Variants in RPL34 observed in about 807,000 individuals in gnomAD.
RPL34 encodes ribosomal protein L34.
RPL34 carries 2 observed loss-of-function variants against 16.3 expected under a neutral mutation model. The observed-to-expected ratio is 0.12, with a 90% CI of 0.05 to 0.39. The LOEUF (loss-of-function observed/expected upper bound fraction) is 0.39, where lower values mean the gene tolerates loss of function less well. Among genes scored for constraint, RPL34 ranks in the 10% least tolerant of loss-of-function variants. The pLI is 0.99. For synonymous variants in RPL34, 47 were observed against 48.5 expected, an observed-to-expected ratio of 0.97 and a Z score of 0.13; for missense variants, 82 against 148.8, an observed-to-expected ratio of 0.55 and a Z score of 2.33.
At chr4:108,621,730 T>TGC in intron 1 of RPL34, 1 of 476,476 alleles carries the variant, frequency 2.1e-6, no homozygotes, top group Non-Finnish European at 3.8e-6. Flanking sequence ...GTTAAGGAAG[T>TGC]GCCACGTTTG....
intron 1 of RPL34, chr4:108,620,838 C>A (rs1230678264): frequency 6.6e-6 from 1 of 152,614 alleles, no homozygotes; most frequent in African/African-American, 2.4e-5. Flanking sequence ...GACTTTGCTG[C>A]ATTCCAAGTG....
chr4:108,625,528 G>A (rs1012593922), downstream of RPL34: 2 of 221,878 alleles, frequency 9.0e-6, no homozygotes, highest in African/African-American at 4.6e-5. Flanking sequence ...TGGGATTATA[G>A]GCATGTGCCA....
chr4:108,622,631 C>T lies in RPL34; in HGVS notation c.269+13C>T, dbSNP rs1162783155. The stretch of plus-strand genomic sequence containing the variant: ...GTGTTCGTGACAGGTAAGTTAAATG[C>T]TTAAATGGGCTTTCCTTAGCAAATT... On this transcript the variant is annotated intron_variant, in intron 4 of 4. Coordinates refer to ENST00000394667, the MANE Select transcript of RPL34 (RefSeq NM_001319236.2). 10 of 1,500,478 alleles carry T rather than the reference C, an allele frequency of 6.7e-6. No individual in the cohort carries two copies. Among genetic ancestry groups the T allele is most frequent in the Non-Finnish European group, 9.1e-6 (10 of 1,097,186 alleles). The allele number at this position is 1,500,478 out of a possible 1,614,324, so 92.9% of individuals were successfully genotyped here.
intron 1 of RPL34, chr4:108,621,049 T>G (rs1278199364): frequency 1.3e-5 from 2 of 152,216 alleles, no homozygotes; most frequent in Non-Finnish European, 2.9e-5. Context: ...GAAAAATGTG[T>G]TAGAAGTTTC....
Position 108,622,000 on chromosome 4 carries a change from A to G in RPL34, c.41A>G (p.Asn14Ser). The G allele has an allele frequency of 3.7e-6, 6 of 1,612,876 alleles. No homozygotes were observed. The highest frequency in any genetic ancestry group is 5.1e-6 in the Non-Finnish European group (6 of 1,179,344). ...ACATACCGACGTAGGCTTTCCTACA[A>G]TACAGCCTCTAACAAAACTAGGCTG... ...RLTYRRRLSY[N>S]TASNKTRLSR... The change falls in exon 2 of 5, where the codon AAT becomes AGT. Residue 14 changes from asparagine to serine, a missense_variant. Transcript: ENST00000394667.
chr4:108,625,232 G>A lies in RPL34; in HGVS notation c.*20G>A, dbSNP rs1194653120. The A allele has an allele frequency of 2.6e-5, 39 of 1,494,614 alleles. No homozygotes were observed. Among genetic ancestry groups the A allele is most frequent in the Non-Finnish European group, 3.6e-5 (39 of 1,082,562 alleles). The allele number at this position is 1,494,614 out of a possible 1,614,324, so 92.6% of individuals were successfully genotyped here. ...AAATAAAAAAATGAAACTTTTTTGAGTAATAAAAATGAAAAGACGCTGTAT... is the reference window on the plus strand; with the variant it reads ...AAATAAAAAAATGAAACTTTTTTGAATAATAAAAATGAAAAGACGCTGTAT... On this transcript the variant is annotated 3_prime_UTR_variant, in exon 5 of 5. Transcript: ENST00000394667.
At chr4:108,627,239 C>CAAA (rs145972035), downstream of RPL34, among the ~76,000 whole-genome samples, 1 of 146,406 alleles carries the variant, frequency 6.8e-6, no homozygotes, top group African/African-American at 2.5e-5. Context: ...ACTCGGTCTC[C>CAAA]AAAAAAAAAA....
chr4:108,622,313 A>T, intron 3 of RPL34, 109 bp downstream of exon 3: 1 of 915,866 alleles, frequency 1.1e-6, no homozygotes, highest in Non-Finnish European at 1.7e-6. Context: ...GAGGGTTCAG[A>T]ATTACTAAAC....
intron 1 of RPL34, chr4:108,621,182 C>T (rs1157736847): frequency 6.6e-6 from 1 of 152,138 alleles, no homozygotes; most frequent in East Asian, 1.9e-4. Context: ...AGGCTTGTGA[C>T]AACAAATGAG....
At chr4:108,629,688 G>T (rs767485091), downstream of RPL34, among the ~76,000 whole-genome samples, 9 of 152,226 alleles carry the variant, frequency 5.9e-5, no homozygotes, top group East Asian at 7.7e-4. Flanking sequence ...TTCTCCTTCC[G>T]TTGAATTGCT....
intron 4 of RPL34, among the ~76,000 whole-genome samples, chr4:108,624,380 G>A (rs1261397519): frequency 6.6e-6 from 1 of 152,182 alleles, no homozygotes; most frequent in African/African-American, 2.4e-5. Context: ...ATGGGAAATG[G>A]GGTGGGGGAA....
At chr4:108,627,131 C>T (rs1420209771), downstream of RPL34, among the ~76,000 whole-genome samples, 1 of 151,894 alleles carries the variant, frequency 6.6e-6, no homozygotes, top group African/African-American at 2.4e-5. Flanking sequence ...CCCAGTTACT[C>T]GGGAGGCTGA....
At chr4:108,630,023 C>T (rs1469184606), downstream of RPL34, 3 of 152,082 alleles carry the variant, frequency 2.0e-5, no homozygotes, top group Non-Finnish European at 2.9e-5. Flanking sequence ...ATTATTAGGT[C>T]CAATAGAAAA....
downstream of RPL34, among the ~76,000 whole-genome samples, chr4:108,627,698 C>T (rs1000638637): frequency 1.3e-5 from 2 of 152,036 alleles, no homozygotes; most frequent in African/African-American, 4.8e-5. Context: ...CCCGTCTCTA[C>T]TAAAAATAAC....
intron 4 of RPL34, among the ~76,000 whole-genome samples, chr4:108,624,675 T>C (rs1438252420): frequency 6.6e-6 from 1 of 152,242 alleles, no homozygotes; most frequent in East Asian, 1.9e-4. Context: ...AAACAGGTTC[T>C]AAAATCCTTG....
Position 108,620,600 on chromosome 4 carries a change from G to A in RPL34, c.-10G>A, listed in dbSNP as rs905183433. 2.9e-5 allele frequency: 9 copies of A among 308,002 alleles called. No homozygotes were observed. The highest frequency in any genetic ancestry group is 5.2e-5 in the Non-Finnish European group (8 of 152,516). The allele number at this position is 308,002 out of a possible 1,614,324, so 19.1% of individuals were successfully genotyped here. A position where few individuals can be genotyped will look rare whatever the true frequency, so the allele number is the denominator to read the frequency against. ...TCCTCTTCCGGGGACGTTGTCTGCA[G>A]GTATGGATGTTGTTCTCTTTTCCCT... On this transcript the variant is annotated splice_region_variant and 5_prime_UTR_variant, in exon 1 of 5. Coordinates refer to ENST00000394667, the MANE Select transcript of RPL34 (RefSeq NM_001319236.2).
At chr4:108,621,587 A>C in intron 1 of RPL34, 1 of 250,290 alleles carries the variant, frequency 4.0e-6, no homozygotes, top group South Asian at 4.6e-5. Flanking sequence ...GGCATAGCTA[A>C]GGATTCGACT....
downstream of RPL34, chr4:108,625,392 T>C: frequency 2.0e-6 from 1 of 501,442 alleles, no homozygotes; most frequent in African/African-American, 1.9e-5. Context: ...TTGGTTTGGT[T>C]TGGTTTTTTT....
At chr4:108,626,750 T>C (rs181427802), downstream of RPL34, among the ~76,000 whole-genome samples, 749 of 152,016 alleles carry the variant, frequency 4.9e-3, 2 homozygotes, top group Non-Finnish European at 8.1e-3. Context: ...ACACCATCTC[T>C]TAAAGCCATA....
Sources: allele counts gnomAD v4.1 joint callset (sites outside exome capture counted in the v4.1 genomes callset), GRCh38; gene constraint gnomAD v4.1.1; transcripts MANE v1.5; gene names NCBI Gene and HGNC (gene_info 2026-07-23, HGNC 2026-07-21).